Variants in KCNN2 observed in about 807,000 individuals in gnomAD.
The protein encoded by KCNN2 is potassium calcium-activated channel subfamily N member 2.
A neutral mutation model predicts 55.5 loss-of-function variants in KCNN2; 24 were observed. That is an observed-to-expected ratio of 0.43 (90% confidence interval 0.31 to 0.61). The LOEUF (loss-of-function observed/expected upper bound fraction) is 0.61, where lower values mean the gene tolerates loss of function less well. Ranked by LOEUF, KCNN2 falls within the 20% of genes least tolerant of loss-of-function variation. The probability of loss-of-function intolerance (pLI) is 0.08; values close to 1 mark genes in which losing one functional copy is unlikely to be tolerated. For synonymous variants in KCNN2, 431 were observed against 336.1 expected, an observed-to-expected ratio of 1.28 and a Z score of -3.09; for missense variants, 754 against 853.6, an observed-to-expected ratio of 0.88 and a Z score of 1.45.
intron 3 of KCNN2, among the ~76,000 whole-genome samples, chr5:114,452,820 T>C (rs978066828): frequency 6.6e-6 from 1 of 152,258 alleles, no homozygotes; most frequent in Non-Finnish European, 1.5e-5. Flanking sequence ...CTCTTTCTTC[T>C]GAGCCATTGG....
chr5:114,220,211 A>G (rs1302152323), intron 1 of KCNN2, among the ~76,000 whole-genome samples: 1 of 152,188 alleles, frequency 6.6e-6, no homozygotes, highest in Non-Finnish European at 1.5e-5. Flanking sequence ...AACAAATAAT[A>G]CATTAGAAAT....
intron 2 of KCNN2, among the ~76,000 whole-genome samples, chr5:114,313,653 G>C (rs1756447832): frequency 6.6e-6 from 1 of 152,142 alleles, no homozygotes; most frequent in Non-Finnish European, 1.5e-5. Context: ...TCTGCCTTCA[G>C]CCTCTTTAGA....
chr5:114,325,282 A>G (rs1756694084), intron 2 of KCNN2, among the ~76,000 whole-genome samples: 1 of 152,236 alleles, frequency 6.6e-6, no homozygotes, highest in Non-Finnish European at 1.5e-5. Flanking sequence ...TGCTGCTTAT[A>G]GTAAAATGCA....
chr5:114,240,438 T>A (rs1754594503), intron 2 of KCNN2, among the ~76,000 whole-genome samples: 1 of 150,310 alleles, frequency 6.7e-6, no homozygotes, highest in Non-Finnish European at 1.5e-5. Context: ...TTTTTTTTTT[T>A]TTTTTTTTTT....
intron 2 of KCNN2, among the ~76,000 whole-genome samples, chr5:114,399,778 T>G (rs1446858236): frequency 6.6e-6 from 1 of 152,164 alleles, no homozygotes; most frequent in Non-Finnish European, 1.5e-5. Flanking sequence ...GATTCCATTT[T>G]GGAACTTGTT....
chr5:114,254,361 A>G (rs1487461779), intron 2 of KCNN2, among the ~76,000 whole-genome samples: 3 of 152,236 alleles, frequency 2.0e-5, no homozygotes, highest in Non-Finnish European at 2.9e-5. Flanking sequence ...TGCACAGATT[A>G]GAAATGTTTA....
At chr5:114,462,913 A>G in intron 3 of KCNN2, 136 bp from the exon 4 acceptor site, 2 of 808,514 alleles carry the variant, frequency 2.5e-6, no homozygotes, top group South Asian at 3.8e-5. Flanking sequence ...TTTTGTTTAT[A>G]TTCACAAGCT....
upstream of KCNN2, chr5:114,361,185 C>A (rs1030279706): frequency 6.6e-6 from 1 of 152,186 alleles, no homozygotes; most frequent in Non-Finnish European, 1.5e-5. Flanking sequence ...CCCTCCGCCC[C>A]CGCCAGGGGG....
intron 3 of KCNN2, among the ~76,000 whole-genome samples, chr5:114,448,024 G>C (rs1424005697): frequency 1.3e-5 from 2 of 152,124 alleles, no homozygotes; most frequent in African/African-American, 4.8e-5. Flanking sequence ...GGAAAACAAG[G>C]CTGGCTTTTT....
chr5:114,180,820 A>G (rs529799753), intron 1 of KCNN2, among the ~76,000 whole-genome samples: 24 of 152,148 alleles, frequency 1.6e-4, no homozygotes, highest in African/African-American at 5.3e-4. Flanking sequence ...AGAGACAACC[A>G]CTGATCTGAT....
At chr5:114,284,680 G>C (rs528815667) in intron 2 of KCNN2, among the ~76,000 whole-genome samples, 1 of 152,096 alleles carries the variant, frequency 6.6e-6, no homozygotes, top group African/African-American at 2.4e-5. Flanking sequence ...ACCATACCCA[G>C]CTAATTTTTG....
chr5:114,269,589 T>G (rs1225470431), intron 2 of KCNN2, among the ~76,000 whole-genome samples: 5 of 151,896 alleles, frequency 3.3e-5, no homozygotes, highest in African/African-American at 1.2e-4. Context: ...TAATTGCACA[T>G]GCAAACAAAC....
intron 4 of KCNN2, among the ~76,000 whole-genome samples, chr5:114,469,133 C>T (rs28549319): frequency 0.023 from 3,531 of 152,238 alleles, 61 homozygotes; most frequent in Non-Finnish European, 0.033. Context: ...CCTAGAGGTA[C>T]ATAGGTAATA....
At chr5:114,124,163 G>A (rs959057670) in intron 1 of KCNN2, among the ~76,000 whole-genome samples, 1 of 152,154 alleles carries the variant, frequency 6.6e-6, no homozygotes, top group African/African-American at 2.4e-5. Flanking sequence ...CAGGTTTGAG[G>A]TCAGGATGAT....
rs75393870 is a variant in KCNN2 at position 114,457,599 on chromosome 5, G to A, written c.1638-5450G>A. On this transcript the variant is annotated intron_variant, in intron 3 of 7. Transcript: ENST00000673685. ...CTTTTACTGCAGTCTATCTTCAAGC[G>A]GTACTGTATCACTTCACATAGATGA... is the stretch of plus-strand genomic sequence containing the variant. 6.3e-3 allele frequency among the ~76,000 whole-genome samples: 963 copies of A among 152,142 alleles called. 8 individuals carry two copies. Among genetic ancestry groups the A allele is most frequent in the Middle Eastern group, 0.034 (10 of 294 alleles).
intron 5 of KCNN2, among the ~76,000 whole-genome samples, chr5:114,480,552 C>T (rs1467779818): frequency 1.3e-5 from 2 of 151,890 alleles, no homozygotes; most frequent in African/African-American, 4.8e-5. Context: ...AGAGATACAA[C>T]AAAAAAAGAA....
At chr5:114,265,086 T>G (rs2150005781) in intron 2 of KCNN2, among the ~76,000 whole-genome samples, 1 of 152,254 alleles carries the variant, frequency 6.6e-6, no homozygotes, top group East Asian at 1.9e-4. Context: ...ATCATCTCCT[T>G]TAACTCTTAC....
At chr5:114,359,649 T>C (rs1389424271), upstream of KCNN2, among the ~76,000 whole-genome samples, 1 of 152,216 alleles carries the variant, frequency 6.6e-6, no homozygotes, top group African/African-American at 2.4e-5. Context: ...GGCTATGTAA[T>C]CTTTTATCTA....
intron 2 of KCNN2, among the ~76,000 whole-genome samples, chr5:114,271,046 G>C (rs948906350): frequency 6.6e-6 from 1 of 152,128 alleles, no homozygotes; most frequent in Non-Finnish European, 1.5e-5. Context: ...AGCTTCCACA[G>C]CGTGGAAGGT....
Sources: allele counts gnomAD v4.1 joint callset (sites outside exome capture counted in the v4.1 genomes callset), GRCh38; gene constraint gnomAD v4.1.1; transcripts MANE v1.5; gene names NCBI Gene and HGNC (gene_info 2026-07-23, HGNC 2026-07-21).